The following KCND2 variants were observed in gnomAD, a reference collection of about 807,000 sequenced individuals.
KCND2 encodes potassium voltage-gated channel subfamily D member 2, also known as A-type voltage-gated potassium channel KCND2.
Under a neutral mutation model 54.4 loss-of-function variants are expected in KCND2, and 16 were observed. The observed-to-expected ratio is 0.29, with a 90% CI of 0.20 to 0.45. KCND2 has a LOEUF of 0.45. Among genes scored for constraint, KCND2 ranks in the 20% least tolerant of loss-of-function variants. KCND2 has a pLI of 1.00. For missense variants in KCND2, 486 were observed against 824.2 expected (o/e 0.59, Z 5.02); for synonymous variants, 317 against 310.7 (o/e 1.02, Z -0.21).
chr7:120,365,772 G>A (rs1309819345), intron 1 of KCND2, among the ~76,000 whole-genome samples: 1 of 152,082 alleles, frequency 6.6e-6, no homozygotes, highest in Non-Finnish European at 1.5e-5. Flanking sequence ...CGAGCAAAAT[G>A]TACATGTTCT....
intron 1 of KCND2, among the ~76,000 whole-genome samples, chr7:120,335,644 C>T (rs948169385): frequency 6.6e-5 from 10 of 151,842 alleles, no homozygotes; most frequent in Admixed American, 6.6e-4. Context: ...CCCCACCACG[C>T]CTGGCTAATT....
intron 1 of KCND2, among the ~76,000 whole-genome samples, chr7:120,594,176 C>T (rs974965768): frequency 3.3e-5 from 5 of 152,140 alleles, no homozygotes; most frequent in South Asian, 2.1e-4. Context: ...CTCCAACTGA[C>T]CAAATATAAA....
chr7:120,725,098 T>C (rs1792716824), intron 1 of KCND2, among the ~76,000 whole-genome samples: 1 of 152,108 alleles, frequency 6.6e-6, no homozygotes, highest in Admixed American at 6.6e-5. Context: ...AAGAATTTGG[T>C]TTTTTTAAAA....
chr7:120,312,369 A>G (rs1799748173), intron 1 of KCND2, among the ~76,000 whole-genome samples: 1 of 151,912 alleles, frequency 6.6e-6, no homozygotes, highest in Admixed American at 6.6e-5. Flanking sequence ...TGTTTTTATA[A>G]CAGAAAGATT....
chr7:120,372,387 G>A (rs933982401), intron 1 of KCND2, among the ~76,000 whole-genome samples: 4 of 151,464 alleles, frequency 2.6e-5, no homozygotes, highest in African/African-American at 9.7e-5. Context: ...TCTCATAAAC[G>A]GTTTCAAAAT....
At chr7:120,518,922 A>C (rs1288114531) in intron 1 of KCND2, among the ~76,000 whole-genome samples, 1 of 152,178 alleles carries the variant, frequency 6.6e-6, no homozygotes, top group African/African-American at 2.4e-5. Flanking sequence ...AAAAGCAGAG[A>C]CCTTTCTATG....
chr7:120,357,483 G>A (rs994638272), intron 1 of KCND2, among the ~76,000 whole-genome samples: 1 of 151,938 alleles, frequency 6.6e-6, no homozygotes, highest in Non-Finnish European at 1.5e-5. Flanking sequence ...GTTTATTTAT[G>A]TATACCTACA....
chr7:120,636,257 A>C (rs1176133081), intron 1 of KCND2, among the ~76,000 whole-genome samples: 1 of 152,082 alleles, frequency 6.6e-6, no homozygotes, highest in Non-Finnish European at 1.5e-5. Flanking sequence ...TCAGGGCAAA[A>C]TTCACGATTA....
intron 1 of KCND2, among the ~76,000 whole-genome samples, chr7:120,413,205 A>G (rs993644965): frequency 6.6e-6 from 1 of 152,116 alleles, no homozygotes; most frequent in Non-Finnish European, 1.5e-5. Context: ...ATAGAAATCC[A>G]CTAAGCAATC....
At chr7:120,523,704 C>CTG (rs199762798) in intron 1 of KCND2, among the ~76,000 whole-genome samples, 6,060 of 137,104 alleles carry the variant, frequency 0.044, 133 homozygotes, top group Middle Eastern at 0.078. Context: ...CACACACACT[C>CTG]TGTGTGTGTG....
At chr7:120,599,336 A>G (rs1792786018) in intron 1 of KCND2, among the ~76,000 whole-genome samples, 1 of 151,980 alleles carries the variant, frequency 6.6e-6, no homozygotes, top group South Asian at 2.1e-4. Flanking sequence ...ATCTAAATTA[A>G]TTTTTGGAAT....
intron 1 of KCND2, among the ~76,000 whole-genome samples, chr7:120,389,115 A>T (rs1801035817): frequency 6.6e-6 from 1 of 151,894 alleles, no homozygotes; most frequent in African/African-American, 2.4e-5. Context: ...AGAAGATAGT[A>T]CATTGCCAAA....
intron 1 of KCND2, among the ~76,000 whole-genome samples, chr7:120,410,369 A>T (rs1264811138): frequency 6.6e-6 from 1 of 151,904 alleles, no homozygotes; most frequent in Non-Finnish European, 1.5e-5. Flanking sequence ...TTTGGCTATT[A>T]TAGGTTCTTT....
intron 1 of KCND2, among the ~76,000 whole-genome samples, chr7:120,479,084 C>T (rs921563035): frequency 6.6e-6 from 1 of 152,110 alleles, no homozygotes; most frequent in Non-Finnish European, 1.5e-5. Flanking sequence ...TCACACTTGA[C>T]TACAGGCAAT....
At chr7:120,373,065 C>A (rs943298928) in intron 1 of KCND2, among the ~76,000 whole-genome samples, 2 of 151,802 alleles carry the variant, frequency 1.3e-5, no homozygotes. Flanking sequence ...TGCCTGAGTC[C>A]TCTCAGAATG....
At chr7:120,356,343 G>A (rs186996590) in intron 1 of KCND2, among the ~76,000 whole-genome samples, 1 of 152,022 alleles carries the variant, frequency 6.6e-6, no homozygotes, top group Admixed American at 6.6e-5. Context: ...GTAAACTATA[G>A]TTACACTGCT....
chr7:120,425,384 G>A (rs996297658), intron 1 of KCND2, among the ~76,000 whole-genome samples: 2 of 152,226 alleles, frequency 1.3e-5, no homozygotes, highest in African/African-American at 2.4e-5. Context: ...ATGCCTGCCT[G>A]CGACAATATT....
At chr7:120,443,808 C>T (rs572171059) in intron 1 of KCND2, among the ~76,000 whole-genome samples, 3 of 152,126 alleles carry the variant, frequency 2.0e-5, no homozygotes, top group South Asian at 2.1e-4. Context: ...AGGGGGACAA[C>T]ATTTTGCTGT....
chr7:120,416,086 A>G (rs755072550), intron 1 of KCND2, among the ~76,000 whole-genome samples: 16 of 152,168 alleles, frequency 1.1e-4, no homozygotes, highest in Non-Finnish European at 2.1e-4. Context: ...TCTCTTGCCA[A>G]CATTGCTTCA....
Sources: gnomAD v4.1 joint callset for allele counts (sites outside exome capture counted in the v4.1 genomes callset) on GRCh38, gnomAD v4.1.1 for gene constraint, MANE v1.5 for transcripts, NCBI Gene and HGNC (gene_info 2026-07-23, HGNC 2026-07-21) for gene names.